Variants in URGCP observed in about 807,000 individuals in gnomAD.
URGCP encodes the protein up-regulator of cell proliferation.
A neutral mutation model predicts 24.6 loss-of-function variants in URGCP; 13 were observed. That is an observed-to-expected ratio of 0.53 (90% CI 0.34 to 0.84). The LOEUF (loss-of-function observed/expected upper bound fraction) is 0.84. URGCP is among the 40% of genes least tolerant of loss of function. URGCP has a pLI of 0.01. For missense variants in URGCP, 899 were observed against 1,194.3 expected (o/e 0.75, Z 3.64); for synonymous variants, 444 against 487.2 (o/e 0.91, Z 1.17).
In URGCP at chr7:43,887,429, G is replaced by A. The variant is rs749178744; in HGVS notation, c.98C>T (p.Ala33Val). Residue 33 changes from alanine (A) to valine (V), a missense_variant, in exon 3 of 6, where the codon GCT becomes GTT. Transcript: ENST00000453200. ...PEIKASERRTAVAIADLEWRE... is the reference protein window; with the variant it reads ...PEIKASERRTVVAIADLEWRE... Reference sequence around the variant, plus strand: ...TCCAACTTTACCTGCAATGGCCACAGCTGTTCGTCTCTCTGATGCTTTTAT... The same window carrying A: ...TCCAACTTTACCTGCAATGGCCACAACTGTTCGTCTCTCTGATGCTTTTAT... 1 of 1,613,880 alleles carries A rather than the reference G, an allele frequency of 6.2e-7. No homozygotes were observed. Among genetic ancestry groups the A allele is most frequent in the Admixed American group, 1.7e-5 (1 of 60,000 alleles).
chr7:43,911,407 T>C (rs1303374608), upstream of URGCP, among the ~76,000 whole-genome samples: 2 of 144,096 alleles, frequency 1.4e-5, no homozygotes. Context: ...CTCAAATAAA[T>C]AAATAGGGCC....
chr7:43,916,711 A>ACCCACC, intron 1 of URGCP, among the ~76,000 whole-genome samples: 1 of 39,272 alleles, frequency 2.5e-5, no homozygotes, highest in East Asian at 1.1e-3. Context: ...CTCCCTACCC[A>ACCCACC]CCCCCCCCCC....
upstream of URGCP, among the ~76,000 whole-genome samples, chr7:43,911,228 T>G (rs1306305886): frequency 6.8e-6 from 1 of 146,038 alleles, no homozygotes; most frequent in Non-Finnish European, 1.5e-5. Context: ...TGGTGAAACC[T>G]CCTCTCTACT....
At chr7:43,909,454 C>T (rs768710038), upstream of URGCP, among the ~76,000 whole-genome samples, 2 of 152,174 alleles carry the variant, frequency 1.3e-5, no homozygotes, top group Admixed American at 6.5e-5. Flanking sequence ...AGGCCAGGTA[C>T]GGTGGCTCAT....
chr7:43,878,655 C>T lies in URGCP; in HGVS notation c.808G>A (p.Val270Ile), dbSNP rs372704414. The change falls in exon 6 of 6, where the codon GTC becomes ATC. Residue 270 changes from valine to isoleucine, a missense_variant. Coordinates refer to ENST00000453200, the MANE Select transcript of URGCP (RefSeq NM_001077663.3). The surrounding 1 kb of genome is among the most constrained non-coding windows in gnomAD (Gnocchi z 5.6). ...AGCTGGGACTTGGAGTTGCTACTGACGTCCATGCGCACGAAGGCGAAGGCG... is the reference window on the plus strand; with the variant it reads ...AGCTGGGACTTGGAGTTGCTACTGATGTCCATGCGCACGAAGGCGAAGGCG... ...APAFAFVRMD[V>I]SSNSKSQLLN... The T allele has an allele frequency of 6.8e-6, 11 of 1,613,422 alleles. No homozygotes were observed. Among genetic ancestry groups the T allele is most frequent in the African/African-American group, 4.0e-5 (3 of 75,076 alleles).
Position 43,883,506 on chromosome 7 carries a change from G to A in URGCP, c.113-1549C>T, listed in dbSNP as rs944111544. Among the ~76,000 whole-genome samples, 28 of 151,114 alleles carry A rather than the reference G, an allele frequency of 1.9e-4. No homozygotes were observed. The East Asian group carries it at 4.5e-3, about 24-fold the overall frequency. On this transcript the variant is annotated intron_variant, in intron 3 of 5. Transcript: ENST00000453200. ...CTCCTGAGTAGGTGGGACTACAGGC[G>A]CCCGCCACCACACCCAGCTAATTTT...
intron 1 of URGCP, chr7:43,919,593 C>T (rs1216641438): frequency 2.0e-5 from 29 of 1,420,010 alleles, no homozygotes; most frequent in Middle Eastern, 1.8e-4. Context: ...GTGGCTGCTG[C>T]AGCCCAAGAA....
chr7:43,905,196 AT>A (rs545882432), intron 1 of URGCP, among the ~76,000 whole-genome samples: 4,152 of 144,430 alleles, frequency 0.029, 61 homozygotes, highest in Non-Finnish European at 0.038. Context: ...ATGCACCACT[AT>A]TTTTTTTTTT....
chr7:43,900,211 T>C (rs1053500142), intron 1 of URGCP, among the ~76,000 whole-genome samples: 3 of 150,202 alleles, frequency 2.0e-5, no homozygotes, highest in East Asian at 2.0e-4. Context: ...TCCAGCACCT[T>C]GGGGAGGCCA....
intron 2 of URGCP, 59 bp from the exon 3 acceptor site, chr7:43,887,544 C>A: frequency 6.3e-7 from 1 of 1,585,814 alleles, no homozygotes; most frequent in South Asian, 1.1e-5. Context: ...TTTCACCTAT[C>A]AAACTGGCCG....
rs375210729 is a variant in URGCP at position 43,893,013 on chromosome 7, AC to A, written c.15-5198del. On this transcript the variant is annotated intron_variant, in intron 1 of 5. Coordinates refer to ENST00000453200, the MANE Select transcript of URGCP (RefSeq NM_001077663.3). ...ATTCCAGCCTGGGCAAGTGAACGAG[AC>A]CCCTATCTCTACAAAAAAATAAAAT... is the stretch of plus-strand genomic sequence containing the variant. 2.5e-3 allele frequency among the ~76,000 whole-genome samples: 377 copies of A among 152,078 alleles called. 2 individuals are homozygous for A. The highest frequency in any genetic ancestry group is 8.5e-3 in the African/African-American group (351 of 41,476).
At chr7:43,899,439 C>G (rs1283617427) in intron 1 of URGCP, among the ~76,000 whole-genome samples, 1 of 151,410 alleles carries the variant, frequency 6.6e-6, no homozygotes, top group Non-Finnish European at 1.5e-5. Flanking sequence ...TTTTAAAAGT[C>G]AATTCTCTCT....
At chr7:43,909,859 A>G (rs1251748199), upstream of URGCP, among the ~76,000 whole-genome samples, 1 of 152,028 alleles carries the variant, frequency 6.6e-6, no homozygotes, top group Non-Finnish European at 1.5e-5. Flanking sequence ...CCTGGCCAAC[A>G]TGGAGAAACC....
At chr7:43,907,125 T>C (rs1435261392), upstream of URGCP, 1 of 109,470 alleles carries the variant, frequency 9.1e-6, no homozygotes, top group Non-Finnish European at 1.8e-5. Context: ...TTATTATTCT[T>C]TATAGTGTGT....
At chr7:43,891,189 G>A (rs1025717894) in intron 1 of URGCP, among the ~76,000 whole-genome samples, 36 of 152,120 alleles carry the variant, frequency 2.4e-4, no homozygotes, top group African/African-American at 8.2e-4. Context: ...GGCAAACCTC[G>A]TGGGCAGAAC....
chr7:43,902,225 C>T lies in URGCP; in HGVS notation c.14+4337G>A, dbSNP rs570102850. Among the ~76,000 whole-genome samples, 4 of 152,116 alleles carry T rather than the reference C, an allele frequency of 2.6e-5. No individual in the cohort carries two copies. In the East Asian group the frequency reaches 5.8e-4, roughly 22 times the overall value. On this transcript the variant is annotated intron_variant, in intron 1 of 5. Coordinates refer to ENST00000453200, the MANE Select transcript of URGCP (RefSeq NM_001077663.3). The stretch of plus-strand genomic sequence containing the variant: ...TGCCAAGGTGCGTGTGCCCTCCTTC[C>T]TCAGGCAAGGACTCAGTCCACAGAG...
intron 3 of URGCP, among the ~76,000 whole-genome samples, chr7:43,882,458 G>A (rs1338823179): frequency 2.6e-5 from 4 of 151,904 alleles, no homozygotes; most frequent in East Asian, 1.9e-4. Context: ...AAAAACAAAC[G>A]AACAAACAAA....
intron 1 of URGCP, among the ~76,000 whole-genome samples, chr7:43,920,283 G>A (rs1393227235): frequency 1.3e-5 from 2 of 152,146 alleles, no homozygotes; most frequent in African/African-American, 4.8e-5. Context: ...ATATCTGAGG[G>A]GAGTGCAGTG....
chr7:43,906,540 G>A (rs1459058589), intron 1 of URGCP, 22 bp downstream of exon 1: 2 of 1,227,572 alleles, frequency 1.6e-6, no homozygotes, highest in Non-Finnish European at 2.0e-6. Flanking sequence ...CGGGGGCGCA[G>A]GGCCTGCGAG....
Sources: gnomAD v4.1 joint callset for allele counts (sites outside exome capture counted in the v4.1 genomes callset) on GRCh38, gnomAD v4.1.1 for gene constraint, Gnocchi (gnomAD v3.1) non-coding constraint, MANE v1.5 for transcripts, NCBI Gene and HGNC (gene_info 2026-07-23, HGNC 2026-07-21) for gene names.